The following ITIH6 variants were observed in gnomAD, a reference collection of about 807,000 sequenced individuals.
The protein encoded by ITIH6 is inter-alpha-trypsin inhibitor heavy chain H6.
ITIH6 carries 60 observed loss-of-function variants against 58.2 expected under a neutral mutation model. The observed-to-expected ratio is 1.03, with a 90% CI of 0.84 to 1.28. ITIH6 has a LOEUF of 1.28. ITIH6 is among the 50% of genes most tolerant of loss of function. ITIH6 has a pLI of 0.00. For synonymous variants in ITIH6, 493 were observed against 417.4 expected, an observed-to-expected ratio of 1.18 and a Z score of -2.21; for missense variants, 1,290 against 1,021.1, an observed-to-expected ratio of 1.26 and a Z score of -3.59.
At chrX:54,772,918 G>A (rs748357552) in intron 6 of ITIH6, among the ~76,000 whole-genome samples, 46 of 111,247 alleles carry the variant, frequency 4.1e-4, no homozygotes, top group Admixed American at 1.1e-3. Flanking sequence ...CTACAGGTGC[G>A]CACCACCACA....
chrX:54,750,865 C>T (rs747237077), intron 12 of ITIH6, 138 bp downstream of exon 12: 1 of 661,329 alleles, frequency 1.5e-6, no homozygotes, highest in Admixed American at 4.0e-5. Context: ...CTGTCCTCTC[C>T]CAAGATGAGG....
chrX:54,757,339 G>A lies in ITIH6; in HGVS notation c.2735C>T (p.Thr912Ile), dbSNP rs1171839140. The A allele has an allele frequency of 8.3e-7, 1 of 1,204,141 alleles. No individual in the cohort carries two copies. Among genetic ancestry groups the A allele is most frequent in the South Asian group, 1.8e-5 (1 of 55,662 alleles). ...STFPNTISSSTGPSSTTTTSV... is the reference protein window; with the variant it reads ...STFPNTISSSIGPSSTTTTSV... Reference sequence around the variant, plus strand: ...GGTGGTTGTGGTACTGCTGGGACCTGTGGAACTTGAGATTGTATTTGGGAA... The same window carrying A: ...GGTGGTTGTGGTACTGCTGGGACCTATGGAACTTGAGATTGTATTTGGGAA... Residue 912 changes from threonine to isoleucine, a missense_variant, in exon 8 of 13, where the codon ACA becomes ATA. Coordinates refer to ENST00000218436, the MANE Select transcript of ITIH6 (RefSeq NM_198510.3).
rs923961293 is a variant in ITIH6 at position 54,759,933 on chromosome X, G to A, written c.904-6C>T. On this transcript the variant is annotated splice_region_variant and splice_polypyrimidine_tract_variant and intron_variant, in intron 6 of 12. Coordinates refer to ENST00000218436, the MANE Select transcript of ITIH6 (RefSeq NM_198510.3). Reference sequence around the variant, plus strand: ...ACATTCATGGCCGTTTTAGTCTGTGGGATATGGATGAAATGAAGAGAATGG... The same window carrying A: ...ACATTCATGGCCGTTTTAGTCTGTGAGATATGGATGAAATGAAGAGAATGG... 4 of 1,196,090 alleles carry A rather than the reference G, an allele frequency of 3.3e-6. No individual in the cohort carries two copies. Among genetic ancestry groups the A allele is most frequent in the Admixed American group, 4.4e-5 (2 of 45,135 alleles).
intron 5 of ITIH6, among the ~76,000 whole-genome samples, chrX:54,774,686 G>A (rs1284759044): frequency 8.9e-6 from 1 of 112,696 alleles, no homozygotes. Context: ...GCTGGGCAGA[G>A]CAGGGAGAGG....
rs199654564 is a variant in ITIH6 at position 54,759,931 on chromosome X, T to C, written c.904-4A>G. 69 of 1,198,057 alleles carry C rather than the reference T, an allele frequency of 5.8e-5. No individual in the cohort carries two copies. In the Middle Eastern group the frequency reaches 1.9e-3, roughly 32 times the overall value. Reference sequence around the variant, plus strand: ...TCACATTCATGGCCGTTTTAGTCTGTGGGATATGGATGAAATGAAGAGAAT... The same window carrying C: ...TCACATTCATGGCCGTTTTAGTCTGCGGGATATGGATGAAATGAAGAGAAT... On this transcript the variant is annotated splice_region_variant and splice_polypyrimidine_tract_variant and intron_variant, in intron 6 of 12. Coordinates refer to ENST00000218436, the MANE Select transcript of ITIH6 (RefSeq NM_198510.3).
chrX:54,767,841 G>A (rs1474362403), intron 6 of ITIH6, among the ~76,000 whole-genome samples: 1 of 80,291 alleles, frequency 1.2e-5, no homozygotes, highest in Middle Eastern at 5.5e-3. Flanking sequence ...TAGGTGTGGT[G>A]TGGTGCTGAA....
rs761064839 is a variant in ITIH6, at chrX:54,758,153, G to A, written c.1921C>T (p.His641Tyr). The A allele has an allele frequency of 3.3e-6, 4 of 1,209,830 alleles. No individual in the cohort carries two copies. Among genetic ancestry groups the A allele is most frequent in the South Asian group, 3.5e-5 (2 of 56,776 alleles). Residue 641 changes from histidine (H) to tyrosine (Y), a missense_variant, in exon 8 of 13, where the codon CAT becomes TAT. His to Tyr is a moderately conservative substitution (Grantham distance 83). Coordinates refer to ENST00000218436, the MANE Select transcript of ITIH6 (RefSeq NM_198510.3). The part of the protein sequence containing the change: ...DTIMPSSSSR[H>Y]GLGVSTAQPA... ...TGAGCTGTGCTTACCCCTAGGCCAT[G>A]CCTGCTGCTGGATGAGGGCATGATG...
At position 54,791,084 on chromosome X, in the gene ITIH6, C is replaced by G. The variant is rs1389361522; in HGVS notation, c.369G>C (p.Arg123Ser). ...TGCGGAACTTCTCTGATTCCCGGTCCCTGGGCAGGAAAGGGAGGATGGTGG... is the reference window on the plus strand; with the variant it reads ...TGCGGAACTTCTCTGATTCCCGGTCGCTGGGCAGGAAAGGGAGGATGGTGG... ...QGKTAAHVGI[R>S]DRESEKFRIS... Residue 123 changes from arginine (R) to serine (S), a missense_variant and splice_region_variant, in exon 4 of 13, where the codon AGG becomes AGC. Arg to Ser is a moderately radical substitution (Grantham distance 110). Coordinates refer to ENST00000218436, the MANE Select transcript of ITIH6 (RefSeq NM_198510.3). 1 of 1,210,296 alleles carries G rather than the reference C, an allele frequency of 8.3e-7. No homozygotes were observed. Among genetic ancestry groups the G allele is most frequent in the South Asian group, 1.8e-5 (1 of 56,665 alleles).
chrX:54,782,472 C>G (rs150517124), intron 5 of ITIH6, among the ~76,000 whole-genome samples: 2,259 of 111,363 alleles, frequency 0.02, 61 homozygotes, highest in African/African-American at 0.07. Flanking sequence ...AGGCTTAATA[C>G]TGGGGTGACA....
intron 4 of ITIH6, among the ~76,000 whole-genome samples, chrX:54,788,867 C>T (rs1307343058): frequency 1.8e-5 from 2 of 112,405 alleles, no homozygotes; most frequent in African/African-American, 3.2e-5. Flanking sequence ...TGAGCCTAGC[C>T]GGACAGACCC....
In ITIH6 at chrX:54,798,135, G is replaced by T; in HGVS notation, c.76C>A (p.Pro26Thr). The change falls in exon 1 of 13, where the codon CCT becomes ACT. Residue 26 changes from proline (P) to threonine (T), a missense_variant. Transcript: ENST00000218436. Reference sequence around the variant, plus strand: ...TTTGTGCTTGATGAAGCGGGGACAGGGGGTCCCTGGTATGTCAGTTCAAGA... The same window carrying T: ...TTTGTGCTTGATGAAGCGGGGACAGTGGGTCCCTGGTATGTCAGTTCAAGA... ...ILLELTYQGP[P>T]VPASSSTKLL... is the part of the protein sequence containing the mutation. 8.4e-7 allele frequency: 1 copy of T among 1,190,474 alleles called. No homozygotes were observed. The highest frequency in any genetic ancestry group is 2.3e-5 in the Admixed American group (1 of 43,570).
chrX:54,789,239 C>G (rs1381124676), intron 4 of ITIH6, among the ~76,000 whole-genome samples: 1 of 110,586 alleles, frequency 9.0e-6, no homozygotes, highest in Non-Finnish European at 1.9e-5. Flanking sequence ...ACAGATGACT[C>G]TCTAGTCCCG....
At chrX:54,759,556 T>C (rs751585268) in intron 7 of ITIH6, among the ~76,000 whole-genome samples, 200 bp downstream of exon 7, 10 of 112,324 alleles carry the variant, frequency 8.9e-5, no homozygotes, top group African/African-American at 2.9e-4. Flanking sequence ...CTAAGATACA[T>C]GGAGAATCGG....
At chrX:54,770,154 C>T in intron 6 of ITIH6, among the ~76,000 whole-genome samples, 1 of 112,561 alleles carries the variant, frequency 8.9e-6, no homozygotes, top group Non-Finnish European at 1.9e-5. Flanking sequence ...AGGTGCGTCC[C>T]TCACCCCTTT....
Position 54,796,943 on chromosome X carries a change from T to C in ITIH6, c.256A>G (p.Met86Val), listed in dbSNP as rs138661336. ...PHLAFISNFT[M>V]TINNKVYIAE... ...TGGTGACTTTGGAAGCAGACTTACA[T>C]AGTGAAATTGGAGATAAAGGCAAGA... Residue 86 changes from methionine to valine, a missense_variant and splice_region_variant, in exon 2 of 13, where the codon ATG (methionine) becomes GTG (valine). Met to Val is a conservative substitution (Grantham distance 21). Coordinates refer to ENST00000218436, the MANE Select transcript of ITIH6 (RefSeq NM_198510.3). 1.2e-4 allele frequency: 139 copies of C among 1,207,243 alleles called. No individual in the cohort carries two copies. The highest frequency in any genetic ancestry group is 1.5e-4 in the Non-Finnish European group (133 of 893,320).
chrX:54,769,485 C>T (rs1223814141), intron 6 of ITIH6, among the ~76,000 whole-genome samples: 39 of 106,412 alleles, frequency 3.7e-4, no homozygotes, highest in Non-Finnish European at 6.4e-4. Context: ...TTTTTCTGTT[C>T]TGTTTTTTCC....
intron 5 of ITIH6, 110 bp downstream of exon 5, chrX:54,788,370 A>G: frequency 1.5e-6 from 1 of 651,541 alleles, no homozygotes; most frequent in Non-Finnish European, 2.4e-6. Context: ...CTTGTTCCCT[A>G]GCCCTTGCTT....
rs190247649 is a variant in ITIH6 at position 54,775,794 on chromosome X, G to A, written c.787-1597C>T. ...ACAGACTGGCTACTGTGCCCACCCC[G>A]CATAGACACTTCCCTTGCTAAAGGC... On this transcript the variant is annotated intron_variant, in intron 5 of 12. Coordinates refer to ENST00000218436, the MANE Select transcript of ITIH6 (RefSeq NM_198510.3). 8.9e-4 allele frequency among the ~76,000 whole-genome samples: 99 copies of A among 110,905 alleles called. No homozygotes were observed. The East Asian group carries it at 0.018, about 20-fold the overall frequency.
At chrX:54,782,761 A>C (rs1056414510) in intron 5 of ITIH6, among the ~76,000 whole-genome samples, 2 of 112,116 alleles carry the variant, frequency 1.8e-5, no homozygotes, top group African/African-American at 3.2e-5. Context: ...TCTACCAAAC[A>C]GTTAAAGAAT....
Sources: allele counts gnomAD v4.1 joint callset (sites outside exome capture counted in the v4.1 genomes callset), GRCh38; gene constraint gnomAD v4.1.1; transcripts MANE v1.5; gene names NCBI Gene and HGNC (gene_info 2026-07-23, HGNC 2026-07-21).